ELMO1: variants seen among roughly 807,000 people sequenced by gnomAD.
The protein encoded by ELMO1 is engulfment and cell motility 1.
In ELMO1, 26 loss-of-function variants were observed where a neutral mutation model predicts 98.9. That is an observed-to-expected ratio of 0.26 (90% CI 0.19 to 0.36). The LOEUF is 0.36. ELMO1 is among the 10% of genes least tolerant of loss of function. The pLI, the probability that ELMO1 is intolerant of heterozygous loss-of-function variation, is 1.00. For missense variants in ELMO1, 627 were observed against 935.2 expected (o/e 0.67, Z 4.30); for synonymous variants, 346 against 346.0 (o/e 1.00, Z 0.00).
At chr7:37,092,743 C>T (rs901284993) in intron 15 of ELMO1, among the ~76,000 whole-genome samples, 1 of 152,028 alleles carries the variant, frequency 6.6e-6, no homozygotes, top group African/African-American at 2.4e-5. Flanking sequence ...CAACTGCGTG[C>T]AGCACAGTTC....
intron 1 of ELMO1, among the ~76,000 whole-genome samples, chr7:37,378,382 T>C (rs1802444630): frequency 6.6e-6 from 1 of 152,188 alleles, no homozygotes; most frequent in Non-Finnish European, 1.5e-5. Flanking sequence ...CCACAGAAGT[T>C]TGTGGAGAGA....
Position 37,376,357 on chromosome 7 carries a change from A to G in ELMO1, c.-73-33594T>C, listed in dbSNP as rs554500457. On this transcript the variant is annotated intron_variant, in intron 1 of 21. Transcript: ENST00000310758. ...GAGGGGCCTGAGTACCTGCATAGGT[A>G]AGTGATAACCAGCTATTGTTCCCTA... 3.5e-4 allele frequency among the ~76,000 whole-genome samples: 54 copies of G among 152,342 alleles called. 1 individual carries two copies. Among genetic ancestry groups the G allele is most frequent in the Admixed American group, 1.3e-3 (20 of 15,304 alleles).
At chr7:37,322,613 C>T (rs1799577433) in intron 2 of ELMO1, among the ~76,000 whole-genome samples, 1 of 148,338 alleles carries the variant, frequency 6.7e-6, no homozygotes, top group African/African-American at 2.5e-5. Flanking sequence ...AACAGTAAAA[C>T]TCTCTCTCCA....
At chr7:37,208,952 C>G (rs1252963767) in intron 13 of ELMO1, among the ~76,000 whole-genome samples, 1 of 151,980 alleles carries the variant, frequency 6.6e-6, no homozygotes, top group Non-Finnish European at 1.5e-5. Context: ...TCTAGGATGA[C>G]TTTTCAAGTC....
chr7:37,375,982 AGAG>A (rs1802324240), intron 1 of ELMO1: 3 of 568,978 alleles, frequency 5.3e-6, no homozygotes, highest in East Asian at 3.6e-5. Flanking sequence ...ATTCCAGTTT[AGAG>A]GAGGATTTGG....
chr7:37,130,351 G>A (rs190408312), intron 14 of ELMO1, among the ~76,000 whole-genome samples: 23 of 152,250 alleles, frequency 1.5e-4, no homozygotes, highest in African/African-American at 5.3e-4. Flanking sequence ...GCAGCCTGAG[G>A]GACTGAGACA....
At chr7:36,987,220 G>C (rs753298299) in intron 16 of ELMO1, among the ~76,000 whole-genome samples, 6 of 151,898 alleles carry the variant, frequency 4.0e-5, no homozygotes, top group African/African-American at 1.5e-4. Flanking sequence ...CTCCTCCCCT[G>C]CTTGCTCCAA....
intron 2 of ELMO1, among the ~76,000 whole-genome samples, chr7:37,341,649 G>A (rs1025387439): frequency 1.3e-5 from 2 of 152,064 alleles, no homozygotes; most frequent in South Asian, 2.1e-4. Flanking sequence ...CTTTGGATTC[G>A]CACAATTCCA....
chr7:37,164,897 G>C (rs1014720095), intron 13 of ELMO1, among the ~76,000 whole-genome samples: 31 of 151,200 alleles, frequency 2.1e-4, no homozygotes, highest in Admixed American at 7.9e-4. Context: ...AGCTTGATGG[G>C]GATGGCATTG....
chr7:37,126,849 G>T (rs1349503622), intron 14 of ELMO1, among the ~76,000 whole-genome samples: 2 of 152,130 alleles, frequency 1.3e-5, no homozygotes, highest in African/African-American at 2.4e-5. Flanking sequence ...AATGTTAAAA[G>T]GATTTTTCTT....
intron 5 of ELMO1, among the ~76,000 whole-genome samples, chr7:37,265,095 G>T (rs1465481143): frequency 6.6e-6 from 1 of 152,038 alleles, no homozygotes; most frequent in African/African-American, 2.4e-5. Flanking sequence ...CTCCACTGGT[G>T]ATCATTTAAT....
intron 2 of ELMO1, among the ~76,000 whole-genome samples, chr7:37,322,182 T>C (rs1397580672): frequency 6.6e-6 from 1 of 151,752 alleles, no homozygotes; most frequent in Non-Finnish European, 1.5e-5. Flanking sequence ...CTGTACTCTA[T>C]TGGAAAATAT....
At chr7:36,864,128 CGTGGCT>C (rs544298905) in intron 20 of ELMO1, among the ~76,000 whole-genome samples, 18 of 152,334 alleles carry the variant, frequency 1.2e-4, no homozygotes, top group African/African-American at 3.1e-4. Context: ...AGGGAAATCA[CGTGGCT>C]GATCACCCCT....
At chr7:36,902,153 T>C (rs1335154962) in intron 16 of ELMO1, among the ~76,000 whole-genome samples, 1 of 152,242 alleles carries the variant, frequency 6.6e-6, no homozygotes, top group Non-Finnish European at 1.5e-5. Flanking sequence ...GCTCAGCCAG[T>C]GTGCAACCTC....
intron 16 of ELMO1, among the ~76,000 whole-genome samples, chr7:36,938,905 G>A (rs756240778): frequency 1.3e-5 from 2 of 152,162 alleles, no homozygotes; most frequent in Non-Finnish European, 2.9e-5. Context: ...GTGCATGCCT[G>A]TAGTCCTAAG....
chr7:37,156,935 CA>C (rs1005229374), intron 13 of ELMO1, among the ~76,000 whole-genome samples: 1 of 152,120 alleles, frequency 6.6e-6, no homozygotes, highest in Non-Finnish European at 1.5e-5. Context: ...ACTGGCAAAC[CA>C]AATCGAGCAG....
chr7:36,895,669 C>T (rs777520132), intron 16 of ELMO1, among the ~76,000 whole-genome samples: 1 of 152,192 alleles, frequency 6.6e-6, no homozygotes, highest in Non-Finnish European at 1.5e-5. Context: ...AATTTTCTGC[C>T]TCAGGACAGT....
intron 1 of ELMO1, among the ~76,000 whole-genome samples, chr7:37,385,918 T>A (rs1238557584): frequency 6.6e-6 from 1 of 152,090 alleles, no homozygotes; most frequent in Non-Finnish European, 1.5e-5. Flanking sequence ...CCCCAGGAAG[T>A]CCTAGTGTTA....
chr7:37,172,079 T>C (rs1023952031), intron 13 of ELMO1, among the ~76,000 whole-genome samples: 1 of 152,324 alleles, frequency 6.6e-6, no homozygotes, highest in South Asian at 2.1e-4. Context: ...AGCTAGGAGT[T>C]ATCAGAGCCT....
Sources: gnomAD v4.1 joint callset for allele counts (sites outside exome capture counted in the v4.1 genomes callset) on GRCh38, gnomAD v4.1.1 for gene constraint, MANE v1.5 for transcripts, NCBI Gene and HGNC (gene_info 2026-07-23, HGNC 2026-07-21) for gene names.